WASF1: variants seen among roughly 807,000 people sequenced by gnomAD.
The protein encoded by WASF1 is actin-binding protein WASF1.
WASF1 carries 7 observed loss-of-function variants against 50.5 expected under a neutral mutation model. The observed-to-expected ratio is 0.14, with a 90% CI of 0.08 to 0.26. The LOEUF (loss-of-function observed/expected upper bound fraction) is 0.26. Among genes scored for constraint, WASF1 ranks in the 10% least tolerant of loss-of-function variants. The pLI, the probability that WASF1 is intolerant of heterozygous loss-of-function variation, is 1.00. For missense variants in WASF1, 470 were observed against 694.7 expected (o/e 0.68, Z 3.64); for synonymous variants, 205 against 244.0 (o/e 0.84, Z 1.49).
chr6:110,146,987 C>T (rs1186215509), intron 3 of WASF1, among the ~76,000 whole-genome samples: 4 of 152,042 alleles, frequency 2.6e-5, no homozygotes, highest in African/African-American at 9.7e-5. Flanking sequence ...GGTACTCTGG[C>T]TCTTGGTTTA....
intron 3 of WASF1, among the ~76,000 whole-genome samples, chr6:110,135,183 G>A (rs1771412892): frequency 6.6e-6 from 1 of 152,142 alleles, no homozygotes; most frequent in Non-Finnish European, 1.5e-5. Context: ...GTCACTATTG[G>A]TGTATAGCAG....
chr6:110,115,525 G>A (rs1262254604), intron 4 of WASF1, among the ~76,000 whole-genome samples: 2 of 152,224 alleles, frequency 1.3e-5, no homozygotes, highest in Admixed American at 6.5e-5. Context: ...TGTGATAACT[G>A]TACAACATCT....
chr6:110,160,098 A>G (rs899905848), intron 3 of WASF1, among the ~76,000 whole-genome samples: 7 of 151,920 alleles, frequency 4.6e-5, no homozygotes, highest in African/African-American at 1.7e-4. Flanking sequence ...ATACACTTCC[A>G]TCATACACAA....
intron 3 of WASF1, among the ~76,000 whole-genome samples, chr6:110,139,724 A>G (rs1053030689): frequency 2.0e-5 from 3 of 152,136 alleles, no homozygotes; most frequent in Admixed American, 6.5e-5. Context: ...CCTCCAATCC[A>G]TGGAGGATAC....
intron 3 of WASF1, among the ~76,000 whole-genome samples, chr6:110,137,986 T>C (rs1260246588): frequency 6.6e-6 from 1 of 152,228 alleles, no homozygotes; most frequent in Admixed American, 6.5e-5. Context: ...AGAGTTTTGC[T>C]CAGGGCCACT....
intron 3 of WASF1, among the ~76,000 whole-genome samples, chr6:110,139,108 T>C (rs1775101781): frequency 6.6e-6 from 1 of 152,220 alleles, no homozygotes; most frequent in Non-Finnish European, 1.5e-5. Flanking sequence ...GGTGTGTCAG[T>C]ACTGCCTTGA....
chr6:110,115,096 C>G (rs2114480895), intron 4 of WASF1, among the ~76,000 whole-genome samples: 1 of 148,910 alleles, frequency 6.7e-6, no homozygotes, highest in South Asian at 2.1e-4. Context: ...GACCTTCTCT[C>G]TCTCTCTCAA....
intron 2 of WASF1, among the ~76,000 whole-genome samples, chr6:110,162,431 TAA>T (rs1776296264): frequency 1.1e-5 from 1 of 89,224 alleles, no homozygotes; most frequent in Non-Finnish European, 2.4e-5. Flanking sequence ...CAAAACTAGA[TAA>T]AGACAAGGCA....
chr6:110,153,639 G>A (rs897573140), intron 3 of WASF1, among the ~76,000 whole-genome samples: 1 of 151,998 alleles, frequency 6.6e-6, no homozygotes, highest in African/African-American at 2.4e-5. Flanking sequence ...GGACAAGGTG[G>A]CTCACATCTG....
chr6:110,167,041 T>TA (rs1446229162), intron 2 of WASF1, among the ~76,000 whole-genome samples: 1 of 151,518 alleles, frequency 6.6e-6, no homozygotes, highest in Non-Finnish European at 1.5e-5. Context: ...CTAAGGGAAC[T>TA]AAAAAAAATT....
chr6:110,163,591 G>A (rs1344661590), intron 2 of WASF1, among the ~76,000 whole-genome samples: 1 of 151,430 alleles, frequency 6.6e-6, no homozygotes, highest in Non-Finnish European at 1.5e-5. Flanking sequence ...TGGGGGTGGG[G>A]GATGGGGACA....
intron 4 of WASF1, among the ~76,000 whole-genome samples, chr6:110,122,957 A>G (rs934999524): frequency 9.2e-5 from 14 of 151,400 alleles, no homozygotes; most frequent in East Asian, 1.9e-4. Flanking sequence ...CAAAGTGGGG[A>G]AAAAAAAAGA....
chr6:110,102,510 T>C (rs1773139564), intron 9 of WASF1, among the ~76,000 whole-genome samples: 1 of 152,190 alleles, frequency 6.6e-6, no homozygotes, highest in African/African-American at 2.4e-5. Flanking sequence ...ATAAATAAAA[T>C]GCTCAATTCT....
chr6:110,110,900 A>G (rs1773524014), intron 5 of WASF1, among the ~76,000 whole-genome samples: 2 of 152,050 alleles, frequency 1.3e-5, no homozygotes. Flanking sequence ...CTCCAAAACA[A>G]TTTCAAATTA....
intron 3 of WASF1, among the ~76,000 whole-genome samples, chr6:110,147,346 A>C (rs924316154): frequency 1.2e-3 from 131 of 112,376 alleles, no homozygotes; most frequent in African/African-American, 4.5e-3. Context: ...ACTCCGTCTC[A>C]AAAAAAAAAA....
chr6:110,140,783 T>C lies in WASF1; in HGVS notation c.-28-13154A>G, dbSNP rs529190820. On this transcript the variant is annotated intron_variant, in intron 3 of 10. Coordinates refer to ENST00000392589, the MANE Select transcript of WASF1 (RefSeq NM_003931.3). Reference sequence around the variant, plus strand: ...TCCCCCTTCTTGTGATGGTGTGAAATGATAAAATGCCTACAGGATCAGATG... The same window carrying C: ...TCCCCCTTCTTGTGATGGTGTGAAACGATAAAATGCCTACAGGATCAGATG... 3.3e-5 allele frequency among the ~76,000 whole-genome samples: 5 copies of C among 152,212 alleles called. 1 individual carries two copies. The East Asian group carries it at 9.7e-4, about 29-fold the overall frequency.
At chr6:110,123,222 A>G (rs1448482837) in intron 4 of WASF1, among the ~76,000 whole-genome samples, 1 of 152,182 alleles carries the variant, frequency 6.6e-6, no homozygotes, top group African/African-American at 2.4e-5. Flanking sequence ...TTTTAGGCCA[A>G]GTAGCAGAAC....
intron 2 of WASF1, among the ~76,000 whole-genome samples, chr6:110,169,876 T>C (rs562895195): frequency 6.6e-6 from 1 of 152,116 alleles, no homozygotes; most frequent in Admixed American, 6.6e-5. Flanking sequence ...TCAAAATGTT[T>C]CCAAAATTAA....
chr6:110,113,209 C>G (rs1341263339), intron 5 of WASF1, 117 bp downstream of exon 5: 1 of 922,414 alleles, frequency 1.1e-6, no homozygotes, highest in African/African-American at 1.7e-5. Context: ...AATATGTACA[C>G]CAAAGGACAT....
Sources: allele counts gnomAD v4.1 joint callset (sites outside exome capture counted in the v4.1 genomes callset), GRCh38; gene constraint gnomAD v4.1.1; transcripts MANE v1.5; gene names NCBI Gene and HGNC (gene_info 2026-07-23, HGNC 2026-07-21).